Variants in ZNF600 observed in about 807,000 individuals in gnomAD.
ZNF600 encodes the protein zinc finger protein 600, also known as zinc finger protein KR-ZNF1.
A neutral mutation model predicts 7.3 loss-of-function variants in ZNF600; 4 were observed. The observed-to-expected ratio is 0.55, with a 90% CI of 0.27 to 1.25. The LOEUF is 1.25. ZNF600 is among the 50% of genes most tolerant of loss of function. The pLI, the probability that ZNF600 is intolerant of heterozygous loss-of-function variation, is 0.12. For synonymous variants in ZNF600, 290 were observed against 308.9 expected (o/e 0.94, Z 0.64); for missense variants, 911 against 922.1 (o/e 0.99, Z 0.16).
chr19:52,777,912 C>T (rs935371494), intron 2 of ZNF600, among the ~76,000 whole-genome samples: 2 of 152,100 alleles, frequency 1.3e-5, no homozygotes, highest in African/African-American at 4.8e-5. Context: ...CTTTGGGAGG[C>T]TAAAGCAGGG....
At chr19:52,803,066 T>C in the ZNF600 span, among the ~76,000 whole-genome samples, 8 of 151,510 alleles carry the variant, frequency 5.3e-5, no homozygotes, top group Admixed American at 4.0e-4. Context: ...CGGCCGACTT[T>C]TAAAAAAAAT....
chr19:52,810,047 CGCCCCATGCCTGGGA>C, the ZNF600 span: 1 of 737,096 alleles, frequency 1.4e-6, no homozygotes, highest in Non-Finnish European at 2.5e-6. Context: ...TCCAGCCCCG[CGCCCCATGCCTGGGA>C]GCTCCAGGAC....
At chr19:52,777,709 G>A (rs1486741560) in intron 2 of ZNF600, among the ~76,000 whole-genome samples, 1 of 151,628 alleles carries the variant, frequency 6.6e-6, no homozygotes, top group Non-Finnish European at 1.5e-5. Context: ...GCATCCTGAA[G>A]TCCCAGCAAC....
the ZNF600 span, among the ~76,000 whole-genome samples, chr19:52,807,095 G>A: frequency 0.78 from 118,546 of 151,658 alleles, 47,255 homozygotes; most frequent in Non-Finnish European, 0.87. Context: ...ACCTGCGTTT[G>A]CACCTGTAAT....
chr19:52,782,385 T>C (rs1050908791), intron 1 of ZNF600, among the ~76,000 whole-genome samples: 7 of 150,688 alleles, frequency 4.6e-5, no homozygotes, highest in Middle Eastern at 3.5e-3. Context: ...TAGCCGGCCA[T>C]GGTGGTGCGT....
At chr19:52,802,764 T>A in the ZNF600 span, among the ~76,000 whole-genome samples, 1 of 146,782 alleles carries the variant, frequency 6.8e-6, no homozygotes, top group African/African-American at 2.6e-5. Flanking sequence ...GTTGTGACTT[T>A]TTTTTTTTTT....
the ZNF600 span, chr19:52,817,935 C>T: frequency 4.9e-4 from 785 of 1,610,580 alleles, 1 homozygote; most frequent in Middle Eastern, 6.6e-4. Context: ...ACCGAGAATA[C>T]CATCTCACCT....
At chr19:52,784,894 A>T (rs1021491930) in intron 1 of ZNF600, among the ~76,000 whole-genome samples, 1 of 150,212 alleles carries the variant, frequency 6.7e-6, no homozygotes, top group African/African-American at 2.4e-5. Flanking sequence ...ACCCGGTTAA[A>T]TTTTTTTTTT....
upstream of ZNF600, among the ~76,000 whole-genome samples, chr19:52,790,005 G>C (rs566422398): frequency 1.6e-3 from 247 of 152,260 alleles, no homozygotes; most frequent in African/African-American, 5.3e-3. Flanking sequence ...AGCTTTTTGA[G>C]CCAGGATGAG....
intron 1 of ZNF600, among the ~76,000 whole-genome samples, chr19:52,779,151 G>A (rs1228605901): frequency 1.3e-5 from 2 of 152,172 alleles, no homozygotes; most frequent in African/African-American, 4.8e-5. Context: ...GGGGAGCTGG[G>A]CTGGACTGAT....
At chr19:52,808,110 C>T in the ZNF600 span, 1 of 1,613,178 alleles carries the variant, frequency 6.2e-7, no homozygotes, top group South Asian at 1.1e-5. Flanking sequence ...ATTCTATGGC[C>T]ACGTCCCTGA....
At chr19:52,803,397 C>T in the ZNF600 span, among the ~76,000 whole-genome samples, 19 of 152,246 alleles carry the variant, frequency 1.2e-4, no homozygotes, top group Admixed American at 1.2e-3. Context: ...GTGACATTAT[C>T]TAGGGGAGTG....
At chr19:52,768,164 A>C (rs535726496) in intron 3 of ZNF600, among the ~76,000 whole-genome samples, 15 of 152,210 alleles carry the variant, frequency 9.9e-5, no homozygotes, top group Admixed American at 2.0e-4. Context: ...TAAAAAAAAA[A>C]CAAAGAAACC....
upstream of ZNF600, among the ~76,000 whole-genome samples, chr19:52,789,795 C>T (rs1218492166): frequency 6.6e-6 from 1 of 152,116 alleles, no homozygotes; most frequent in Non-Finnish European, 1.5e-5. Flanking sequence ...TGTGAAGAGA[C>T]CACCAAACAG....
At chr19:52,766,886 T>C in exon 4 of ZNF600, 1 of 1,614,202 alleles carries the variant, frequency 6.2e-7, no homozygotes, top group South Asian at 1.1e-5. Flanking sequence ...TACGATGACG[T>C]GCAAGGTTTG....
At chr19:52,774,847 G>A (rs2062660355) in intron 2 of ZNF600, 146 bp from the exon 5 acceptor site, 1 of 970,712 alleles carries the variant, frequency 1.0e-6, no homozygotes, top group African/African-American at 1.8e-5. Context: ...TTTCCCTATA[G>A]TTGCATTTTA....
At chr19:52,814,027 AC>A in the ZNF600 span, among the ~76,000 whole-genome samples, 368 of 146,564 alleles carry the variant, frequency 2.5e-3, 51 homozygotes, top group African/African-American at 9.1e-3. Context: ...TTGGACTTTT[AC>A]AAAAAAGAAA....
chr19:52,801,622 G>T, the ZNF600 span: 1 of 1,614,074 alleles, frequency 6.2e-7, no homozygotes, highest in Non-Finnish European at 8.5e-7. Context: ...GCTTGTCTTT[G>T]CAATGTCCCT....
exon 4 of ZNF600, chr19:52,767,441 A>G (rs770602207): frequency 3.7e-6 from 6 of 1,614,162 alleles, no homozygotes; most frequent in African/African-American, 1.3e-5. Flanking sequence ...TACCAATTTT[A>G]CCTTTGATCT....
Sources: gnomAD v4.1 joint callset for allele counts (sites outside exome capture counted in the v4.1 genomes callset) on GRCh38, gnomAD v4.1.1 for gene constraint, MANE v1.5 for transcripts, NCBI Gene and HGNC (gene_info 2026-07-23, HGNC 2026-07-21) for gene names.